Variants in KIF2A observed in about 807,000 individuals in gnomAD.
KIF2A encodes kinesin-like protein KIF2A.
In KIF2A, 22 loss-of-function variants were observed where a neutral mutation model predicts 100.2. The ratio of observed to expected loss-of-function variants is 0.22; its 90% CI spans 0.16 to 0.31. The LOEUF is 0.31. Ranked by LOEUF, KIF2A falls within the 10% of genes least tolerant of loss-of-function variation. KIF2A has a pLI of 1.00. For synonymous variants in KIF2A, 268 were observed against 285.9 expected (o/e 0.94, Z 0.63); for missense variants, 495 against 898.7 (o/e 0.55, Z 5.74).
intron 9 of KIF2A, among the ~76,000 whole-genome samples, chr5:62,360,063 C>T (rs1748319747): frequency 6.6e-6 from 1 of 151,738 alleles, no homozygotes; most frequent in South Asian, 2.1e-4. Context: ...ATGATCTCGG[C>T]TCACTGCAAC....
intron 1 of KIF2A, among the ~76,000 whole-genome samples, chr5:62,337,965 T>G (rs1250918366): frequency 2.0e-5 from 3 of 152,180 alleles, no homozygotes; most frequent in Non-Finnish European, 2.9e-5. Context: ...TATATGATTT[T>G]TGGAACTTCA....
intron 18 of KIF2A, among the ~76,000 whole-genome samples, chr5:62,376,414 GTT>G (rs1741548471): frequency 5.3e-5 from 8 of 151,380 alleles, no homozygotes; most frequent in Admixed American, 3.9e-4. Context: ...TTTTTTGTTT[GTT>G]TGTTTGTTTG....
chr5:62,334,706 A>C (rs796202921), intron 1 of KIF2A, among the ~76,000 whole-genome samples: 16 of 152,114 alleles, frequency 1.1e-4, no homozygotes, highest in African/African-American at 3.4e-4. Context: ...GCAGCTACCC[A>C]AACAGTTTTT....
At chr5:62,344,391 T>C (rs1747453079) in intron 1 of KIF2A, among the ~76,000 whole-genome samples, 1 of 152,058 alleles carries the variant, frequency 6.6e-6, no homozygotes, top group African/African-American at 2.4e-5. Context: ...GGTATATTTG[T>C]TATGATTAAA....
intron 1 of KIF2A, 127 bp downstream of exon 1, chr5:62,306,663 C>T (rs1269194932): frequency 1.3e-6 from 1 of 761,038 alleles, no homozygotes; most frequent in Non-Finnish European, 2.1e-6. Context: ...GCGGCGGCCG[C>T]GGCGCTTTTG....
At chr5:62,343,004 A>C (rs2111892349) in intron 1 of KIF2A, among the ~76,000 whole-genome samples, 1 of 152,130 alleles carries the variant, frequency 6.6e-6, no homozygotes, top group East Asian at 1.9e-4. Context: ...TGCCCGCCTC[A>C]GCCTCCCAAA....
At chr5:62,308,359 T>C in intron 1 of KIF2A, 1 of 1,474,598 alleles carries the variant, frequency 6.8e-7, no homozygotes, top group Non-Finnish European at 9.0e-7. Context: ...ACATATTATT[T>C]TGAAGATTCT....
intron 1 of KIF2A, among the ~76,000 whole-genome samples, chr5:62,329,900 C>T (rs1324623943): frequency 6.6e-6 from 1 of 152,192 alleles, no homozygotes; most frequent in Non-Finnish European, 1.5e-5. Flanking sequence ...AATCTTAAAA[C>T]TCTTTAGACA....
At chr5:62,374,234 T>TC (rs1741443423) in intron 18 of KIF2A, among the ~76,000 whole-genome samples, 1 of 152,184 alleles carries the variant, frequency 6.6e-6, no homozygotes, top group South Asian at 2.1e-4. Flanking sequence ...AGTAAATAAG[T>TC]CAGGGGTCAG....
chr5:62,343,936 T>C (rs1012306612), intron 1 of KIF2A, among the ~76,000 whole-genome samples: 4 of 152,228 alleles, frequency 2.6e-5, no homozygotes, highest in East Asian at 1.9e-4. Flanking sequence ...ATCAGCTTAA[T>C]TGAAGTGAGT....
intron 3 of KIF2A, among the ~76,000 whole-genome samples, chr5:62,348,528 G>A (rs1224867034): frequency 6.6e-6 from 1 of 152,094 alleles, no homozygotes; most frequent in East Asian, 1.9e-4. Flanking sequence ...TACCAACTCT[G>A]ATAGTCTTTT....
intron 3 of KIF2A, among the ~76,000 whole-genome samples, chr5:62,349,336 C>G (rs961037333): frequency 6.6e-6 from 1 of 151,306 alleles, no homozygotes; most frequent in Admixed American, 6.6e-5. Context: ...TAAAATAAAT[C>G]AGTATTTTTA....
At position 62,377,782 on chromosome 5, in the gene KIF2A, T is replaced by G. The variant is rs1466374809; in HGVS notation, c.2013+20T>G. ...TTCCAGGTAAAGTAAGACAGGACTTTCCTTCAAAATATTTCTTGAGATAAA... is the reference window on the plus strand; with the variant it reads ...TTCCAGGTAAAGTAAGACAGGACTTGCCTTCAAAATATTTCTTGAGATAAA... On this transcript the variant is annotated intron_variant, in intron 19 of 20. Transcript: ENST00000407818. 3.3e-6 allele frequency: 4 copies of G among 1,216,138 alleles called. No individual in the cohort carries two copies. The highest frequency in any genetic ancestry group is 1.5e-5 in the African/African-American group (1 of 65,508). The allele number at this position is 1,216,138 out of a possible 1,614,324, so 75.3% of individuals were successfully genotyped here. A position where few individuals can be genotyped will look rare whatever the true frequency, so the allele number is the denominator to read the frequency against.
rs1206643130 is a variant in KIF2A at position 62,385,723 on chromosome 5, CT to C, written c.*158del. On this transcript the variant is annotated 3_prime_UTR_variant, in exon 21 of 21. Transcript: ENST00000407818. ...TTACATTTCAATTTTGTGAAACACT[CT>C]TTTGTCTACAAAATGCTTCTAGTCC... is the stretch of plus-strand genomic sequence containing the variant. 3.3e-6 allele frequency: 2 copies of C among 604,954 alleles called. No homozygotes were observed. Among genetic ancestry groups the C allele is most frequent in the Non-Finnish European group, 6.0e-6 (2 of 334,552 alleles). 37.5% of individuals were successfully genotyped at this position (604,954 alleles called of 1,614,324 possible).
At chr5:62,383,485 C>T (rs1339168156) in intron 20 of KIF2A, among the ~76,000 whole-genome samples, 5 of 151,758 alleles carry the variant, frequency 3.3e-5, no homozygotes, top group South Asian at 2.1e-4. Flanking sequence ...CCTTGTGATC[C>T]GCCCATCTCG....
chr5:62,310,036 A>G (rs1302168621), intron 1 of KIF2A, among the ~76,000 whole-genome samples: 1 of 150,060 alleles, frequency 6.7e-6, no homozygotes, highest in Admixed American at 6.6e-5. Context: ...TTTAAACTGC[A>G]TGGGGTAATG....
intron 14 of KIF2A, among the ~76,000 whole-genome samples, chr5:62,364,961 C>T (rs1021724576): frequency 1.3e-5 from 2 of 152,118 alleles, no homozygotes; most frequent in Non-Finnish European, 2.9e-5. Context: ...GTCGTGGTAG[C>T]AGGCGCCTGT....
At chr5:62,333,768 T>C (rs968960995) in intron 1 of KIF2A, among the ~76,000 whole-genome samples, 3 of 152,014 alleles carry the variant, frequency 2.0e-5, no homozygotes, top group Admixed American at 6.6e-5. Context: ...AGAGAAGGGG[T>C]ACCTGTTTTG....
At chr5:62,371,254 A>G (rs1561278720) in intron 16 of KIF2A, among the ~76,000 whole-genome samples, 1 of 152,148 alleles carries the variant, frequency 6.6e-6, no homozygotes, top group African/African-American at 2.4e-5. Context: ...ACCTTATCTC[A>G]AAAAGGAAAA....
Sources: allele counts gnomAD v4.1 joint callset (sites outside exome capture counted in the v4.1 genomes callset), GRCh38; gene constraint gnomAD v4.1.1; transcripts MANE v1.5; gene names NCBI Gene and HGNC (gene_info 2026-07-23, HGNC 2026-07-21).